DPY19L3: variants seen among roughly 807,000 people sequenced by gnomAD.
DPY19L3 encodes dpy-19 like C-mannosyltransferase 3, also known as protein C-mannosyl-transferase DPY19L3.
Under a neutral mutation model 92.3 loss-of-function variants are expected in DPY19L3, and 51 were observed. The observed-to-expected ratio is 0.55, with a 90% CI of 0.44 to 0.70. DPY19L3 has a LOEUF of 0.70. Among genes scored for constraint, DPY19L3 ranks in the 30% least tolerant of loss-of-function variants. The pLI is 0.00. For missense variants in DPY19L3, 706 were observed against 855.9 expected (o/e 0.82, Z 2.18); for synonymous variants, 309 against 315.2 (o/e 0.98, Z 0.21).
chr19:32,470,061 G>A (rs1176503395), intron 16 of DPY19L3, among the ~76,000 whole-genome samples: 1 of 152,176 alleles, frequency 6.6e-6, no homozygotes. Flanking sequence ...CTAGGGCAAC[G>A]CATGGATCTC....
Position 32,444,391 on chromosome 19 carries a change from A to G in DPY19L3, c.855+4481A>G, listed in dbSNP as rs112016198. Among the ~76,000 whole-genome samples the G allele has an allele frequency of 4.3e-3, 653 of 152,268 alleles. 2 individuals carry two copies. Among genetic ancestry groups the G allele is most frequent in the South Asian group, 7.2e-3 (35 of 4,832 alleles). On this transcript the variant is annotated intron_variant, in intron 8 of 18. Transcript: ENST00000392250. Reference sequence around the variant, plus strand: ...AGTGAACTTGAAGATAGAACAATTTAGAAATTACCTAATCTGAACAACAAG... The same window carrying G: ...AGTGAACTTGAAGATAGAACAATTTGGAAATTACCTAATCTGAACAACAAG...
Position 32,482,105 on chromosome 19 carries a change from T to TC in DPY19L3, c.2018dup (p.Asp674Ter). 1 of 1,613,874 alleles carries TC rather than the reference T, an allele frequency of 6.2e-7. No homozygotes were observed. The highest frequency in any genetic ancestry group is 8.5e-7 in the Non-Finnish European group (1 of 1,179,836). The stretch of plus-strand genomic sequence containing the variant: ...TGATGGATGGCCCAGGAGAGAATGA[T>TC]CCTGATTTGAAACCTGCAGACCACC... On this transcript the variant is annotated frameshift_variant, in exon 19 of 19. Transcript: ENST00000392250. LOFTEE classifies it high-confidence loss of function.
intron 14 of DPY19L3, among the ~76,000 whole-genome samples, chr19:32,464,470 CTT>C (rs780216683): frequency 5.3e-5 from 8 of 152,152 alleles, no homozygotes; most frequent in Admixed American, 3.9e-4. Flanking sequence ...ATATTGGAGA[CTT>C]GTGCTCCATT....
chr19:32,470,391 T>C (rs558040899), intron 16 of DPY19L3, among the ~76,000 whole-genome samples: 67 of 152,290 alleles, frequency 4.4e-4, no homozygotes, highest in African/African-American at 1.6e-3. Flanking sequence ...GCTGTTGAAA[T>C]CAATGCTGAG....
At chr19:32,477,284 G>C (rs1970539536) in intron 16 of DPY19L3, among the ~76,000 whole-genome samples, 2 of 151,922 alleles carry the variant, frequency 1.3e-5, no homozygotes. Flanking sequence ...AAAACATGGG[G>C]CTGGTGCAAA....
At chr19:32,457,157 C>A (rs1356969525) in intron 10 of DPY19L3, among the ~76,000 whole-genome samples, 3 of 152,118 alleles carry the variant, frequency 2.0e-5, no homozygotes, top group Non-Finnish European at 4.4e-5. Flanking sequence ...TTTTTTGACT[C>A]CCCGAAGAAT....
intron 8 of DPY19L3, among the ~76,000 whole-genome samples, chr19:32,448,046 T>TC (rs1412045955): frequency 5.3e-5 from 8 of 152,190 alleles, no homozygotes; most frequent in Non-Finnish European, 1.2e-4. Flanking sequence ...AGCCCAGACT[T>TC]CATCAGTATA....
intron 17 of DPY19L3, 61 bp downstream of exon 17, chr19:32,477,715 A>G (rs1970554684): frequency 1.6e-5 from 26 of 1,601,886 alleles, no homozygotes; most frequent in African/African-American, 4.0e-5. Flanking sequence ...GCGTGTCCCT[A>G]TGTGTGGTAA....
chr19:32,471,252 C>G (rs1488196634), intron 16 of DPY19L3, among the ~76,000 whole-genome samples: 1 of 152,154 alleles, frequency 6.6e-6, no homozygotes, highest in African/African-American at 2.4e-5. Flanking sequence ...TGAAAGAGTC[C>G]CAAGACGCCT....
Position 32,482,347 on chromosome 19 carries a change from G to A in DPY19L3, c.*107G>A. 1.6e-6 allele frequency: 2 copies of A among 1,274,832 alleles called. No individual in the cohort carries two copies. The highest frequency in any genetic ancestry group is 2.2e-6 in the Non-Finnish European group (2 of 917,978). The allele number at this position is 1,274,832 out of a possible 1,614,324, so 79.0% of individuals were successfully genotyped here. Reference sequence around the variant, plus strand: ...AGTAGGTAGCCCAAACCTTCAAGCTGTGATATGAGTAAGTTCTACAGATGT... The same window carrying A: ...AGTAGGTAGCCCAAACCTTCAAGCTATGATATGAGTAAGTTCTACAGATGT... On this transcript the variant is annotated 3_prime_UTR_variant, in exon 19 of 19. Coordinates refer to ENST00000392250, the MANE Select transcript of DPY19L3 (RefSeq NM_001172774.2).
intron 16 of DPY19L3, among the ~76,000 whole-genome samples, chr19:32,476,327 C>T (rs993695451): frequency 6.6e-6 from 1 of 152,018 alleles, no homozygotes; most frequent in African/African-American, 2.4e-5. Context: ...TTTAAATAAA[C>T]TCCTCATAAC....
At chr19:32,410,315 T>C (rs1456139016) in intron 2 of DPY19L3, among the ~76,000 whole-genome samples, 3 of 152,156 alleles carry the variant, frequency 2.0e-5, no homozygotes. Context: ...ATAAAATAAA[T>C]TGTCCTGAAA....
At chr19:32,420,000 C>T (rs1046563842) in intron 3 of DPY19L3, among the ~76,000 whole-genome samples, 3 of 151,608 alleles carry the variant, frequency 2.0e-5, no homozygotes, top group African/African-American at 7.3e-5. Flanking sequence ...ACTGGGATTA[C>T]AGGCAGGCAC....
intron 16 of DPY19L3, 74 bp downstream of exon 16, chr19:32,468,887 G>A (rs1037679840): frequency 2.5e-5 from 36 of 1,426,282 alleles, no homozygotes; most frequent in Non-Finnish European, 3.3e-5. Context: ...TTTCGTTTTG[G>A]GGGTTTTTTG....
intron 15 of DPY19L3, among the ~76,000 whole-genome samples, chr19:32,466,119 T>A (rs1970191937): frequency 6.6e-6 from 1 of 152,252 alleles, no homozygotes; most frequent in African/African-American, 2.4e-5. Flanking sequence ...CTCAGCTATC[T>A]ATTGAAATTT....
In DPY19L3 at chr19:32,453,232, C is replaced by T. The variant is rs767902213; in HGVS notation, c.943C>T (p.Leu315Phe). The T allele has an allele frequency of 4.3e-6, 7 of 1,613,928 alleles. No individual in the cohort carries two copies. Among genetic ancestry groups the T allele is most frequent in the Non-Finnish European group, 5.1e-6 (6 of 1,179,944 alleles). Residue 315 changes from leucine (L) to phenylalanine (F), a missense_variant, in exon 9 of 19, where the codon CTT (leucine) becomes TTT (phenylalanine). Coordinates refer to ENST00000392250, the MANE Select transcript of DPY19L3 (RefSeq NM_001172774.2). ...TAATTCCATGATTCTTGGATCACTGCTTATCAGTTTTAACCTTTCAGTATT... is the reference window on the plus strand; with the variant it reads ...TAATTCCATGATTCTTGGATCACTGTTTATCAGTTTTAACCTTTCAGTATT... ...FFNSMILGSL[L>F]ISFNLSVFIA... is the part of the protein sequence containing the mutation.
chr19:32,464,996 T>G (rs1286271356), intron 15 of DPY19L3, among the ~76,000 whole-genome samples: 1 of 152,248 alleles, frequency 6.6e-6, no homozygotes, highest in Non-Finnish European at 1.5e-5. Context: ...AAAACTACTA[T>G]AGCATTTAAT....
At chr19:32,476,502 C>T (rs1234125645) in intron 16 of DPY19L3, among the ~76,000 whole-genome samples, 1 of 144,142 alleles carries the variant, frequency 6.9e-6, no homozygotes, top group Non-Finnish European at 1.5e-5. Flanking sequence ...AACTCCTTGA[C>T]CGCTTACAAG....
intron 8 of DPY19L3, among the ~76,000 whole-genome samples, chr19:32,443,150 T>A (rs1467778541): frequency 6.6e-6 from 1 of 152,146 alleles, no homozygotes; most frequent in East Asian, 1.9e-4. Context: ...GACGCACCTC[T>A]GTTTCTCCCA....
Sources: allele counts gnomAD v4.1 joint callset (sites outside exome capture counted in the v4.1 genomes callset), GRCh38; gene constraint gnomAD v4.1.1; transcripts MANE v1.5; gene names NCBI Gene and HGNC (gene_info 2026-07-23, HGNC 2026-07-21).